Variants in FAT3 observed in about 807,000 individuals in gnomAD.
The protein encoded by FAT3 is FAT atypical cadherin 3, also known as protocadherin Fat 3.
In FAT3, 95 loss-of-function variants were observed where a neutral mutation model predicts 310.2. That is an observed-to-expected ratio of 0.31 (90% confidence interval 0.26 to 0.36). FAT3 has a LOEUF of 0.36. Ranked by LOEUF, FAT3 falls within the 10% of genes least tolerant of loss-of-function variation. FAT3 has a pLI of 1.00. For synonymous variants in FAT3, 2,314 were observed against 2,192.9 expected (o/e 1.06, Z -1.54); for missense variants, 5,408 against 5,715.6 (o/e 0.95, Z 1.74).
At chr11:92,844,890 G>T (rs894664401) in intron 19 of FAT3, among the ~76,000 whole-genome samples, 158 bp downstream of exon 19, 2 of 152,246 alleles carry the variant, frequency 1.3e-5, no homozygotes. Context: ...GGGGCTGCAG[G>T]AGGTACAGTC....
intron 3 of FAT3, among the ~76,000 whole-genome samples, chr11:92,553,966 T>C (rs1340593497): frequency 6.6e-6 from 1 of 151,806 alleles, no homozygotes; most frequent in Non-Finnish European, 1.5e-5. Context: ...CTTTTATGCC[T>C]GGATAATGTT....
intron 2 of FAT3, among the ~76,000 whole-genome samples, chr11:92,410,240 C>T (rs1950226541): frequency 6.6e-6 from 1 of 151,944 alleles, no homozygotes; most frequent in African/African-American, 2.4e-5. Flanking sequence ...GCCTTTCTCA[C>T]CTGCATGCTA....
chr11:92,436,789 C>G (rs968653201), intron 2 of FAT3, among the ~76,000 whole-genome samples: 5 of 152,272 alleles, frequency 3.3e-5, no homozygotes, highest in African/African-American at 7.2e-5. Flanking sequence ...CTTTGATATT[C>G]TGGTTCCTGC....
At chr11:92,250,233 G>A (rs1865084153) in intron 1 of FAT3, among the ~76,000 whole-genome samples, 1 of 152,004 alleles carries the variant, frequency 6.6e-6, no homozygotes, top group South Asian at 2.1e-4. Context: ...GTTTTTAATT[G>A]TAATATAAAT....
chr11:92,744,485 C>T (rs879501818), intron 4 of FAT3, among the ~76,000 whole-genome samples: 2 of 152,160 alleles, frequency 1.3e-5, no homozygotes, highest in Non-Finnish European at 2.9e-5. Flanking sequence ...TTTTCATTTA[C>T]AATAAGAAAT....
rs922720389 is a variant in FAT3 at position 92,225,046 on chromosome 11, C to A, written c.-146C>A. 6.6e-6 allele frequency among the ~76,000 whole-genome samples: 1 copy of A among 152,184 alleles called. No individual in the cohort carries two copies. Among genetic ancestry groups the A allele is most frequent in the East Asian group, 1.9e-4 (1 of 5,136 alleles). On this transcript the variant is annotated 5_prime_UTR_variant, in exon 1 of 28. Transcript: ENST00000525166. ...TGCTCGCGGCCTCAGTCCCGGCTAG[C>A]GCGCGGTGGGCGCTGCGGCGGCAGC...
rs183319095 is a variant in FAT3, at chr11:92,799,617, A to G, written c.6604A>G (p.Asn2202Asp). Residue 2202 changes from asparagine to aspartate, a missense_variant, in exon 10 of 28, where the codon AAC becomes GAC. Physicochemically the swap from Asn to Asp is conservative, Grantham distance 23 (BLOSUM62 1). Transcript: ENST00000525166. ...TASVNEDIRM[N>D]TPILSINATS... Reference sequence around the variant, plus strand: ...ATCTGTCAATGAAGACATCAGAATGAACACACCCATCCTAAGCATCAATGC... The same window carrying G: ...ATCTGTCAATGAAGACATCAGAATGGACACACCCATCCTAAGCATCAATGC... The G allele has an allele frequency of 3.7e-5, 60 of 1,613,828 alleles. No individual in the cohort carries two copies. The East Asian group carries it at 1.3e-3, about 35-fold the overall frequency.
In FAT3 at chr11:92,765,107, A is replaced by C. The variant is rs373090390; in HGVS notation, c.4195+18A>C. On this transcript the variant is annotated intron_variant, in intron 6 of 27. Transcript: ENST00000525166. The stretch of plus-strand genomic sequence containing the variant: ...CATAGTTGGTAAGTTCGAGTCTTAC[A>C]GAGCAGTATCATGCAATGTAATAAT... The C allele has an allele frequency of 1.9e-6, 3 of 1,600,920 alleles. No individual in the cohort carries two copies. The African/African-American group carries it at 4.0e-5, about 22-fold the overall frequency.
intron 3 of FAT3, among the ~76,000 whole-genome samples, chr11:92,552,372 A>G (rs549613006): frequency 6.6e-6 from 1 of 152,348 alleles, no homozygotes; most frequent in East Asian, 1.9e-4. Flanking sequence ...TAAAAGTCAC[A>G]TACTCACATG....
intron 2 of FAT3, among the ~76,000 whole-genome samples, chr11:92,476,263 A>G (rs1952050624): frequency 6.6e-6 from 1 of 152,180 alleles, no homozygotes; most frequent in Admixed American, 6.5e-5. Context: ...AGCCACCTGA[A>G]AGCAATTGAC....
chr11:92,802,003 A>T (rs1947374085), intron 10 of FAT3, 94 bp downstream of exon 10: 1 of 1,214,548 alleles, frequency 8.2e-7, no homozygotes, highest in Non-Finnish European at 1.2e-6. Context: ...GGAAGATGGG[A>T]TAAGGAGTCC....
chr11:92,442,105 A>ATTTTTTTT lies in FAT3; in HGVS notation c.3293-82528_3293-82527insTTTTTTTT, dbSNP rs1565320166. Among the ~76,000 whole-genome samples the ATTTTTTTT allele has an allele frequency of 6.0e-3, 122 of 20,338 alleles. 2 individuals carry two copies. Among genetic ancestry groups the ATTTTTTTT allele is most frequent in the African/African-American group, 0.019 (110 of 5,832 alleles). The allele number at this position is 20,338 out of a possible 152,430, so 13.3% of individuals were successfully genotyped here. ...TTTATATATATATATATATATATAT[A>ATTTTTTTT]TATATATTTTTTTTTTTTTTTTTTT... On this transcript the variant is annotated intron_variant, in intron 2 of 27. Transcript: ENST00000525166.
chr11:92,483,233 A>G (rs1320009972), intron 2 of FAT3, among the ~76,000 whole-genome samples: 1 of 152,014 alleles, frequency 6.6e-6, no homozygotes, highest in East Asian at 1.9e-4. Flanking sequence ...TTTGTCTGGA[A>G]TTTTGCACAT....
chr11:92,666,678 A>C (rs1942965305), intron 3 of FAT3, among the ~76,000 whole-genome samples: 1 of 152,080 alleles, frequency 6.6e-6, no homozygotes, highest in Admixed American at 6.5e-5. Context: ...CATTTAAGAC[A>C]CATTCTTAAG....
intron 1 of FAT3, among the ~76,000 whole-genome samples, chr11:92,248,719 T>A (rs1209295551): frequency 6.6e-6 from 1 of 151,964 alleles, no homozygotes; most frequent in Non-Finnish European, 1.5e-5. Context: ...AATTCAAACA[T>A]AAGATTTCAA....
chr11:92,770,495 G>A (rs1946430464), intron 6 of FAT3, among the ~76,000 whole-genome samples: 1 of 152,176 alleles, frequency 6.6e-6, no homozygotes, highest in East Asian at 1.9e-4. Context: ...CTGGTGTTTA[G>A]CATTTTTTCT....
intron 1 of FAT3, among the ~76,000 whole-genome samples, chr11:92,294,695 T>C (rs924279780): frequency 3.1e-4 from 47 of 151,898 alleles, no homozygotes; most frequent in African/African-American, 1.1e-3. Flanking sequence ...TTTGTTCTAT[T>C]GAATATCATC....
intron 9 of FAT3, among the ~76,000 whole-genome samples, chr11:92,795,784 T>C (rs1947154697): frequency 6.6e-6 from 1 of 152,052 alleles, no homozygotes; most frequent in Non-Finnish European, 1.5e-5. Context: ...GGTGCCTGCC[T>C]GCAGTCCCAG....
intron 3 of FAT3, among the ~76,000 whole-genome samples, chr11:92,610,969 A>G (rs553160096): frequency 6.6e-6 from 1 of 152,260 alleles, no homozygotes; most frequent in South Asian, 2.1e-4. Flanking sequence ...TTAAGGATGA[A>G]TTAAACCCAG....
Sources: allele counts gnomAD v4.1 joint callset (sites outside exome capture counted in the v4.1 genomes callset), GRCh38; gene constraint gnomAD v4.1.1; transcripts MANE v1.5; gene names NCBI Gene and HGNC (gene_info 2026-07-23, HGNC 2026-07-21).